The following LHFPL3 variants were observed in gnomAD, a reference collection of about 807,000 sequenced individuals.
LHFPL3 encodes LHFPL tetraspan subfamily member 3, also known as LHFPL tetraspan subfamily member 3 protein.
In LHFPL3, 5 loss-of-function variants were observed where a neutral mutation model predicts 19.3. The ratio of observed to expected loss-of-function variants is 0.26; its 90% CI spans 0.14 to 0.54. The LOEUF (loss-of-function observed/expected upper bound fraction) is 0.54. Ranked by LOEUF, LHFPL3 falls within the 20% of genes least tolerant of loss-of-function variation. The probability of loss-of-function intolerance (pLI) is 0.94; values close to 1 mark genes in which losing one functional copy is unlikely to be tolerated. For synonymous variants in LHFPL3, 133 were observed against 126.2 expected (o/e 1.05, Z -0.36); for missense variants, 249 against 307.4 (o/e 0.81, Z 1.42).
intron 1 of LHFPL3, among the ~76,000 whole-genome samples, chr7:104,388,301 C>T (rs900155582): frequency 6.6e-6 from 1 of 151,884 alleles, no homozygotes; most frequent in East Asian, 1.9e-4. Context: ...GGGTGTATAC[C>T]CAATAATAGG....
At chr7:104,550,104 C>G (rs1018999331) in intron 1 of LHFPL3, among the ~76,000 whole-genome samples, 9 of 152,072 alleles carry the variant, frequency 5.9e-5, no homozygotes, top group African/African-American at 2.2e-4. Context: ...CTAAAAGTGG[C>G]CTACTGCAGA....
Position 104,359,132 on chromosome 7 carries a change from G to A in LHFPL3, c.445+29908G>A, listed in dbSNP as rs190935473. On this transcript the variant is annotated intron_variant, in intron 1 of 2. Transcript: ENST00000424859. ...AGCCTGAGAATACCCTTCTATTTAC[G>A]CCTATGCTTCTTCCTTGTCAACTAG... 2.0e-4 allele frequency among the ~76,000 whole-genome samples: 31 copies of A among 152,240 alleles called. No homozygotes were observed. In the East Asian group the frequency reaches 2.5e-3, roughly 12 times the overall value.
chr7:104,356,432 T>G (rs1790276591), intron 1 of LHFPL3, among the ~76,000 whole-genome samples: 1 of 152,196 alleles, frequency 6.6e-6, no homozygotes, highest in South Asian at 2.1e-4. Flanking sequence ...GAGTCATCCT[T>G]TCCTGACTTT....
intron 1 of LHFPL3, among the ~76,000 whole-genome samples, chr7:104,434,269 G>C (rs1029197042): frequency 2.0e-5 from 3 of 152,208 alleles, no homozygotes; most frequent in African/African-American, 7.2e-5. Flanking sequence ...TTGTATGTGT[G>C]ACTACTTTAT....
At chr7:104,768,719 T>A (rs776053203) in intron 2 of LHFPL3, 2 of 152,222 alleles carry the variant, frequency 1.3e-5, no homozygotes, top group African/African-American at 4.8e-5. Flanking sequence ...ACTCCCAGCA[T>A]CCTCCTTTTA....
chr7:104,443,629 T>A (rs1792269794), intron 1 of LHFPL3, among the ~76,000 whole-genome samples: 1 of 152,174 alleles, frequency 6.6e-6, no homozygotes, highest in Non-Finnish European at 1.5e-5. Flanking sequence ...CTGTAAAAAA[T>A]TCCATAATCC....
chr7:104,745,129 C>A (rs1170204614), intron 2 of LHFPL3, among the ~76,000 whole-genome samples: 1 of 150,038 alleles, frequency 6.7e-6, no homozygotes, highest in Non-Finnish European at 1.5e-5. Context: ...CCAAAGCAGA[C>A]CCTGGTGGTT....
At chr7:104,578,161 A>G (rs1227428051) in intron 1 of LHFPL3, among the ~76,000 whole-genome samples, 1 of 152,238 alleles carries the variant, frequency 6.6e-6, no homozygotes, top group African/African-American at 2.4e-5. Flanking sequence ...TTTCTAAGAA[A>G]GAGGTTTTGG....
chr7:104,769,392 T>A (rs11773056), intron 2 of LHFPL3, among the ~76,000 whole-genome samples: 99,883 of 152,190 alleles, frequency 0.66, 33,316 homozygotes, highest in East Asian at 0.89. Context: ...AAAGTATACA[T>A]CTATTAAGTT....
intron 2 of LHFPL3, among the ~76,000 whole-genome samples, chr7:104,876,130 C>T (rs1791934508): frequency 6.6e-6 from 1 of 152,114 alleles, no homozygotes; most frequent in Admixed American, 6.5e-5. Flanking sequence ...AAAATTAATT[C>T]AAGATGGATT....
intron 2 of LHFPL3, among the ~76,000 whole-genome samples, chr7:104,755,572 C>A (rs746214827): frequency 1.4e-5 from 2 of 139,380 alleles, no homozygotes; most frequent in African/African-American, 5.0e-5. Flanking sequence ...TCCCCCAACC[C>A]CCAACACCAC....
At chr7:104,829,908 T>C (rs953681623) in intron 2 of LHFPL3, among the ~76,000 whole-genome samples, 36 of 152,122 alleles carry the variant, frequency 2.4e-4, no homozygotes, top group Admixed American at 5.9e-4. Context: ...ATCACCACAC[T>C]GACTTCCACA....
At chr7:104,850,242 C>T (rs1208128631) in intron 2 of LHFPL3, among the ~76,000 whole-genome samples, 5 of 151,974 alleles carry the variant, frequency 3.3e-5, no homozygotes, top group Non-Finnish European at 5.9e-5. Context: ...GCAGAGGTTG[C>T]GGTGAGCCGA....
chr7:104,755,672 T>C (rs377298449), intron 2 of LHFPL3, among the ~76,000 whole-genome samples: 8 of 151,946 alleles, frequency 5.3e-5, no homozygotes, highest in African/African-American at 7.3e-5. Context: ...TTTTGGTGTT[T>C]GTTTGTTGTT....
intron 2 of LHFPL3, among the ~76,000 whole-genome samples, chr7:104,813,440 C>T (rs10279083): frequency 0.16 from 24,028 of 152,138 alleles, 2,125 homozygotes; most frequent in East Asian, 0.33. Context: ...TTTTTCTGGT[C>T]GGAAAACTCT....
In LHFPL3 at chr7:104,332,223, C is replaced by CTTTTTTTTTTTTT. The variant is rs1183733733; in HGVS notation, c.445+3011_445+3023dup. Among the ~76,000 whole-genome samples the CTTTTTTTTTTTTT allele has an allele frequency of 3.6e-3, 231 of 63,936 alleles. 2 individuals are homozygous for CTTTTTTTTTTTTT. The highest frequency in any genetic ancestry group is 0.037 in the Middle Eastern group (2 of 54). 41.9% of individuals were successfully genotyped at this position (63,936 alleles called of 152,430 possible). On this transcript the variant is annotated intron_variant, in intron 1 of 2. Transcript: ENST00000424859. ...TAGAATATAAAATCCTATTTCTTTT[C>CTTTTTTTTTTTTT]TTTTTTTTTTTTTTTTTTTTTTTTG...
At chr7:104,876,552 A>C (rs1303226366) in intron 2 of LHFPL3, among the ~76,000 whole-genome samples, 1 of 151,392 alleles carries the variant, frequency 6.6e-6, no homozygotes, top group Non-Finnish European at 1.5e-5. Context: ...CCATCAGAGA[A>C]ATGCAAATCA....
chr7:104,404,924 A>T (rs1350297641), intron 1 of LHFPL3, among the ~76,000 whole-genome samples: 2 of 152,224 alleles, frequency 1.3e-5, no homozygotes, highest in Non-Finnish European at 2.9e-5. Context: ...TACATAAAAA[A>T]GGTAAAAATT....
At chr7:104,651,560 T>C (rs2115941048) in intron 1 of LHFPL3, among the ~76,000 whole-genome samples, 1 of 152,360 alleles carries the variant, frequency 6.6e-6, no homozygotes, top group Admixed American at 6.5e-5. Context: ...TGCCTGTCTC[T>C]GTTTTTCATG....
Sources: gnomAD v4.1 joint callset for allele counts (sites outside exome capture counted in the v4.1 genomes callset) on GRCh38, gnomAD v4.1.1 for gene constraint, MANE v1.5 for transcripts, NCBI Gene and HGNC (gene_info 2026-07-23, HGNC 2026-07-21) for gene names.